The following PCDH15 variants were observed in gnomAD, a reference collection of about 807,000 sequenced individuals.
PCDH15 encodes protocadherin-15.
In PCDH15, 129 loss-of-function variants were observed where a neutral mutation model predicts 178.5. That is an observed-to-expected ratio of 0.72 (90% CI 0.63 to 0.84). The LOEUF is 0.84. Among genes scored for constraint, PCDH15 ranks in the 40% least tolerant of loss-of-function variants. PCDH15 has a pLI of 0.00. For synonymous variants in PCDH15, 800 were observed against 732.0 expected, an observed-to-expected ratio of 1.09 and a Z score of -1.50; for missense variants, 2,230 against 2,099.9, an observed-to-expected ratio of 1.06 and a Z score of -1.21.
intron 2 of PCDH15, among the ~76,000 whole-genome samples, chr10:54,654,497 G>A (rs1263760562): frequency 6.6e-6 from 1 of 152,148 alleles, no homozygotes; most frequent in Non-Finnish European, 1.5e-5. Context: ...TATAGTACTT[G>A]TCTAAGGAAG....
At position 53,822,625 on chromosome 10, in the gene PCDH15, A is replaced by AAAG. The variant is rs1305107891; in HGVS notation, c.4368-2398_4368-2396dup. 4 of 1,614,046 alleles carry AAAG rather than the reference A, an allele frequency of 2.5e-6. No individual in the cohort carries two copies. In the South Asian group the frequency reaches 3.3e-5, roughly 13 times the overall value. On this transcript the variant is annotated intron_variant, in intron 32 of 37. Transcript: ENST00000644397. ...TGTAAAACACAAGGCCTTGAAGGAG[A>AAAG]AAGTTCCAAGGAACACTCAGCAGGA... is the stretch of plus-strand genomic sequence containing the variant.
intron 2 of PCDH15, among the ~76,000 whole-genome samples, chr10:54,552,738 A>C (rs1183943282): frequency 6.6e-6 from 1 of 152,176 alleles, no homozygotes; most frequent in Admixed American, 6.6e-5. Context: ...AGTATCTACT[A>C]TATGGGGTTG....
intron 2 of PCDH15, among the ~76,000 whole-genome samples, chr10:55,529,546 T>C (rs990658957): frequency 1.3e-5 from 2 of 151,670 alleles, no homozygotes; most frequent in African/African-American, 4.8e-5. Context: ...AAATTACAGT[T>C]TATTTACAAA....
chr10:54,943,049 T>A (rs1838102752), intron 2 of PCDH15, among the ~76,000 whole-genome samples: 1 of 152,176 alleles, frequency 6.6e-6, no homozygotes, highest in South Asian at 2.1e-4. Context: ...TATATTAGTA[T>A]CTTATTGCTG....
intron 2 of PCDH15, among the ~76,000 whole-genome samples, chr10:55,022,697 T>C (rs1840361052): frequency 1.4e-5 from 2 of 146,804 alleles, no homozygotes; most frequent in Non-Finnish European, 3.0e-5. Context: ...CTCTAAAATA[T>C]GAATTTTCTT....
chr10:55,158,060 A>ATGTGTGTGTGTGTGTG (rs769091362), intron 2 of PCDH15, among the ~76,000 whole-genome samples: 10 of 132,532 alleles, frequency 7.5e-5, no homozygotes, highest in Middle Eastern at 3.9e-3. Context: ...AATCACACAA[A>ATGTGTGTGTGTGTGTG]TATGTGTGTA....
intron 2 of PCDH15, among the ~76,000 whole-genome samples, chr10:54,561,550 T>C (rs1325766832): frequency 6.6e-6 from 1 of 152,102 alleles, no homozygotes; most frequent in African/African-American, 2.4e-5. Context: ...CCCAGATATA[T>C]GTACCAATCA....
At chr10:53,994,026 C>A (rs1464293836) in intron 21 of PCDH15, among the ~76,000 whole-genome samples, 4 of 152,164 alleles carry the variant, frequency 2.6e-5, no homozygotes, top group African/African-American at 7.2e-5. Context: ...TTAAATCTGG[C>A]AATTTTATTT....
intron 25 of PCDH15, among the ~76,000 whole-genome samples, chr10:53,928,391 C>G (rs764204853): frequency 6.6e-6 from 1 of 151,884 alleles, no homozygotes; most frequent in Non-Finnish European, 1.5e-5. Context: ...AATCTAATAA[C>G]TATGCTAAAT....
At chr10:55,074,935 G>T (rs1729192572) in intron 2 of PCDH15, among the ~76,000 whole-genome samples, 1 of 152,044 alleles carries the variant, frequency 6.6e-6, no homozygotes, top group Non-Finnish European at 1.5e-5. Flanking sequence ...CCTATGGATG[G>T]CTAGCCATTT....
intron 2 of PCDH15, among the ~76,000 whole-genome samples, chr10:54,541,203 C>T (rs957122501): frequency 1.3e-5 from 2 of 152,038 alleles, no homozygotes; most frequent in African/African-American, 2.4e-5. Flanking sequence ...TGTACCCAAA[C>T]ACGAAACTAA....
In PCDH15 at chr10:54,954,247, C is replaced by T. The variant is rs116840596; in HGVS notation, c.-79-56747G>A. 2.7e-3 allele frequency among the ~76,000 whole-genome samples: 412 copies of T among 151,410 alleles called. 3 individuals carry two copies. The highest frequency in any genetic ancestry group is 9.6e-3 in the African/African-American group (397 of 41,484). On this transcript the variant is annotated intron_variant, in intron 2 of 5. Transcript: ENST00000458638. ...TTATTTTAGCTTAACTTATCAGTTT[C>T]ACTCAGGCCTCTATTAAATTGCGCA...
chr10:54,961,120 C>A (rs900492751), intron 2 of PCDH15, among the ~76,000 whole-genome samples: 2 of 152,208 alleles, frequency 1.3e-5, no homozygotes, highest in African/African-American at 4.8e-5. Context: ...TACAGTGATG[C>A]CAGCTGCAGT....
At chr10:55,575,933 C>T (rs1169679135) in intron 2 of PCDH15, among the ~76,000 whole-genome samples, 1 of 152,136 alleles carries the variant, frequency 6.6e-6, no homozygotes, top group Admixed American at 6.6e-5. Context: ...CACATCTTTA[C>T]CAATTAACAT....
chr10:55,480,978 G>T (rs575082226), intron 2 of PCDH15, among the ~76,000 whole-genome samples: 1 of 151,666 alleles, frequency 6.6e-6, no homozygotes, highest in South Asian at 2.1e-4. Context: ...GGCTTTTTTA[G>T]GTTGATAGGC....
rs1841095169 is a variant in PCDH15, at chr10:53,805,553, C to A, written c.*1026G>T. 1 of 151,896 alleles carries A rather than the reference C, an allele frequency of 6.6e-6. No homozygotes were observed. The highest frequency in any genetic ancestry group is 2.4e-5 in the African/African-American group (1 of 41,316). 9.4% of individuals were successfully genotyped at this position (151,896 alleles called of 1,614,324 possible). A position where few individuals can be genotyped will look rare whatever the true frequency, so the allele number is the denominator to read the frequency against. ...GTGCATTAAAATATTCTATAAATAACCTGAAAATGGAAGAAGTTAAACACA... is the reference window on the plus strand; with the variant it reads ...GTGCATTAAAATATTCTATAAATAAACTGAAAATGGAAGAAGTTAAACACA... On this transcript the variant is annotated 3_prime_UTR_variant, in exon 38 of 38. Coordinates refer to ENST00000644397, the MANE Select transcript of PCDH15 (RefSeq NM_001384140.1).
At chr10:54,501,236 TA>T (rs796065889) in intron 3 of PCDH15, among the ~76,000 whole-genome samples, 3,227 of 107,226 alleles carry the variant, frequency 0.03, 83 homozygotes, top group African/African-American at 0.097. Context: ...AGTATAATAA[TA>T]AAAAAAAAAA....
intron 16 of PCDH15, among the ~76,000 whole-genome samples, chr10:54,089,054 A>C (rs914853062): frequency 6.6e-6 from 1 of 152,202 alleles, no homozygotes; most frequent in African/African-American, 2.4e-5. Flanking sequence ...AAGTTTACTT[A>C]TCTGTGGAAA....
Position 54,546,112 on chromosome 10 carries a change from G to A in PCDH15, c.92-18235C>T, listed in dbSNP as rs143725940. On this transcript the variant is annotated intron_variant, in intron 2 of 37. Transcript: ENST00000644397. Reference sequence around the variant, plus strand: ...GGTTTCCACTAGAAAGTTCAGATTCGTGGTTAGGTATCTATTTGGCTCTCA... The same window carrying A: ...GGTTTCCACTAGAAAGTTCAGATTCATGGTTAGGTATCTATTTGGCTCTCA... Among the ~76,000 whole-genome samples, 10 of 152,306 alleles carry A rather than the reference G, an allele frequency of 6.6e-5. No individual in the cohort carries two copies. In the East Asian group the frequency reaches 1.4e-3, roughly 21 times the overall value.
Sources: gnomAD v4.1 joint callset for allele counts (sites outside exome capture counted in the v4.1 genomes callset) on GRCh38, gnomAD v4.1.1 for gene constraint, MANE v1.5 for transcripts, NCBI Gene and HGNC (gene_info 2026-07-23, HGNC 2026-07-21) for gene names.